MRPS31: variants seen among roughly 807,000 people sequenced by gnomAD.
MRPS31 encodes mitochondrial ribosomal protein S31.
A neutral mutation model predicts 43.1 loss-of-function variants in MRPS31; 32 were observed. That is an observed-to-expected ratio of 0.74 (90% confidence interval 0.56 to 1.00). MRPS31 has a LOEUF of 1.00. MRPS31 is among the 50% of genes least tolerant of loss of function. The pLI is 0.00. For synonymous variants in MRPS31, 165 were observed against 161.6 expected, an observed-to-expected ratio of 1.02 and a Z score of -0.16; for missense variants, 437 against 466.7, an observed-to-expected ratio of 0.94 and a Z score of 0.59.
chr13:40,738,214 T>C (rs1204165142), intron 6 of MRPS31, among the ~76,000 whole-genome samples: 14 of 151,148 alleles, frequency 9.3e-5, no homozygotes, highest in Non-Finnish European at 1.5e-4. Context: ...CCTTGACACA[T>C]ACACTCTCCC....
intron 2 of MRPS31, among the ~76,000 whole-genome samples, chr13:40,759,473 A>T (rs2138013447): frequency 6.6e-6 from 1 of 152,238 alleles, no homozygotes; most frequent in East Asian, 1.9e-4. Context: ...AAAAAACAAA[A>T]AACAAAAAAG....
chr13:40,736,416 A>C (rs895091926), intron 6 of MRPS31, among the ~76,000 whole-genome samples: 1 of 149,430 alleles, frequency 6.7e-6, no homozygotes, highest in African/African-American at 2.5e-5. Flanking sequence ...GTTCAGATTC[A>C]GGAAATACAG....
At chr13:40,744,762 C>T (rs948261845) in intron 6 of MRPS31, among the ~76,000 whole-genome samples, 3 of 150,444 alleles carry the variant, frequency 2.0e-5, no homozygotes, top group East Asian at 3.9e-4. Flanking sequence ...TTACAGGCCC[C>T]GCCATCACAC....
At chr13:40,733,726 G>C (rs562394257) in intron 6 of MRPS31, among the ~76,000 whole-genome samples, 2 of 152,264 alleles carry the variant, frequency 1.3e-5, no homozygotes, top group African/African-American at 2.4e-5. Flanking sequence ...CCAGCACTCT[G>C]GGAGGATGAG....
At position 40,758,998 on chromosome 13, in the gene MRPS31, C is replaced by T. The variant is rs748450336; in HGVS notation, c.549G>A (p.Gln183=). The T allele has an allele frequency of 2.4e-5, 39 of 1,609,114 alleles. No individual in the cohort carries two copies. Among genetic ancestry groups the T allele is most frequent in the Non-Finnish European group, 3.3e-5 (39 of 1,178,472 alleles). The change falls in exon 3 of 7, where the codon CAG becomes CAA. Residue 183 remains glutamine, a synonymous_variant. Transcript: ENST00000323563. ...TKSELLSQLQ[Q]HEEESRAQRD... is the part of the protein sequence containing the mutation. ...TCTGTGCCCTTGACTCTTCCTCATGCTGCTGGAGCTGGCTCAGCAGCTCTG... is the reference window on the plus strand; with the variant it reads ...TCTGTGCCCTTGACTCTTCCTCATGTTGCTGGAGCTGGCTCAGCAGCTCTG...
intron 1 of MRPS31, among the ~76,000 whole-genome samples, chr13:40,767,301 G>C (rs1203788947): frequency 6.6e-6 from 1 of 152,156 alleles, no homozygotes; most frequent in Non-Finnish European, 1.5e-5. Context: ...AGGATTGTAG[G>C]CATGTGCCAC....
chr13:40,759,151 A>C (rs1412108630), intron 2 of MRPS31, 45 bp from the exon 3 acceptor site: 1 of 1,486,536 alleles, frequency 6.7e-7, no homozygotes, highest in East Asian at 2.4e-5. Context: ...AAAAAAAGAG[A>C]GATTGGCCAG....
At chr13:40,750,594 TC>T (rs1270233844) in intron 5 of MRPS31, among the ~76,000 whole-genome samples, 1 of 151,812 alleles carries the variant, frequency 6.6e-6, no homozygotes, top group Non-Finnish European at 1.5e-5. Context: ...GGCTACCTTT[TC>T]CCCTATATTT....
At chr13:40,733,867 G>A (rs1483624181) in intron 6 of MRPS31, among the ~76,000 whole-genome samples, 1 of 151,498 alleles carries the variant, frequency 6.6e-6, no homozygotes, top group East Asian at 1.9e-4. Flanking sequence ...GGCCGAGGTG[G>A]GAAATAACCT....
rs376237797 is a variant in MRPS31 at position 40,745,211 on chromosome 13, T to G, written c.958+3927A>C. ...TGCTGGGATTATAGGCATGAGCCACTGCGCCCGGCCATATTTTGCATTTTA... is the reference window on the plus strand; with the variant it reads ...TGCTGGGATTATAGGCATGAGCCACGGCGCCCGGCCATATTTTGCATTTTA... On this transcript the variant is annotated intron_variant, in intron 6 of 6. Transcript: ENST00000323563. 1.2e-4 allele frequency among the ~76,000 whole-genome samples: 19 copies of G among 152,262 alleles called. No homozygotes were observed. In the East Asian group the frequency reaches 3.5e-3, roughly 28 times the overall value.
At chr13:40,729,732 T>C in intron 6 of MRPS31, 131 bp from the exon 7 acceptor site, 2 of 363,868 alleles carry the variant, frequency 5.5e-6, no homozygotes, top group South Asian at 1.0e-4. Flanking sequence ...TAGGTTGCAT[T>C]TTTTTTTTTT....
At chr13:40,739,639 T>C (rs868743073) in intron 6 of MRPS31, among the ~76,000 whole-genome samples, 29 of 151,982 alleles carry the variant, frequency 1.9e-4, no homozygotes, top group South Asian at 4.1e-4. Context: ...ACGCCGTATA[T>C]CTACAACTAT....
intron 6 of MRPS31, among the ~76,000 whole-genome samples, chr13:40,743,199 CA>C (rs1343332381): frequency 2.0e-5 from 3 of 151,766 alleles, no homozygotes; most frequent in Non-Finnish European, 2.9e-5. Flanking sequence ...CCTGTCATTC[CA>C]ACTAACTGGA....
chr13:40,769,099 T>C (rs1390505903), intron 1 of MRPS31, among the ~76,000 whole-genome samples: 1 of 151,916 alleles, frequency 6.6e-6, no homozygotes, highest in African/African-American at 2.4e-5. Flanking sequence ...CAAGTTCAGC[T>C]GGGCATGGTG....
intron 6 of MRPS31, among the ~76,000 whole-genome samples, chr13:40,742,218 T>A (rs1195914989): frequency 6.6e-6 from 1 of 152,126 alleles, no homozygotes; most frequent in African/African-American, 2.4e-5. Context: ...AGTGAAACAT[T>A]AAACATAAGG....
In MRPS31 at chr13:40,730,563, T is replaced by C. The variant is rs9566572; in HGVS notation, c.959-962A>G. Among the ~76,000 whole-genome samples, 305 of 152,216 alleles carry C rather than the reference T, an allele frequency of 2.0e-3. 4 individuals carry two copies. In the East Asian group the frequency reaches 0.047, roughly 24 times the overall value. On this transcript the variant is annotated intron_variant, in intron 6 of 6. Coordinates refer to ENST00000323563, the MANE Select transcript of MRPS31 (RefSeq NM_005830.4). The stretch of plus-strand genomic sequence containing the variant: ...ATAGGATAGCAATTATTGCCAATGA[T>C]TATTTTTTTCTTTTGAGATAGAGTT...
intron 6 of MRPS31, among the ~76,000 whole-genome samples, chr13:40,741,888 TACACACACACACACACACACACAC>T (rs61011673): frequency 1.1e-3 from 155 of 140,832 alleles, no homozygotes; most frequent in Non-Finnish European, 1.7e-3. Flanking sequence ...AGTAACAAAA[TACACACACACACACACACACACAC>T]ACACACACAC....
chr13:40,733,645 A>G (rs1291276666), intron 6 of MRPS31, among the ~76,000 whole-genome samples: 5 of 152,190 alleles, frequency 3.3e-5, no homozygotes, highest in Non-Finnish European at 7.3e-5. Flanking sequence ...TAAGAATGGA[A>G]AAAATGGCAA....
At chr13:40,744,974 T>G (rs1045652596) in intron 6 of MRPS31, among the ~76,000 whole-genome samples, 1 of 151,200 alleles carries the variant, frequency 6.6e-6, no homozygotes, top group Non-Finnish European at 1.5e-5. Context: ...TAGACTGGAG[T>G]GCAGTGGCGA....
Sources: gnomAD v4.1 joint callset for allele counts (sites outside exome capture counted in the v4.1 genomes callset) on GRCh38, gnomAD v4.1.1 for gene constraint, MANE v1.5 for transcripts, NCBI Gene and HGNC (gene_info 2026-07-23, HGNC 2026-07-21) for gene names.